TTC28: variants seen among roughly 807,000 people sequenced by gnomAD.
TTC28 encodes the protein tetratricopeptide repeat domain 28.
A neutral mutation model predicts 198.0 loss-of-function variants in TTC28; 61 were observed. The observed-to-expected ratio is 0.31, with a 90% CI of 0.25 to 0.38. The LOEUF (loss-of-function observed/expected upper bound fraction) is 0.38. Ranked by LOEUF, TTC28 falls within the 10% of genes least tolerant of loss-of-function variation. The pLI is 1.00. For missense variants in TTC28, 2,678 were observed against 3,164.0 expected (o/e 0.85, Z 3.69); for synonymous variants, 1,171 against 1,297.8 (o/e 0.90, Z 2.10).
chr22:28,388,007 G>A (rs1037257769), intron 2 of TTC28, among the ~76,000 whole-genome samples: 1 of 152,120 alleles, frequency 6.6e-6, no homozygotes, highest in African/African-American at 2.4e-5. Flanking sequence ...AATCCATCTT[G>A]AATTGATTTT....
At chr22:28,041,991 A>G (rs1939657265) in intron 12 of TTC28, among the ~76,000 whole-genome samples, 1 of 152,256 alleles carries the variant, frequency 6.6e-6, no homozygotes, top group Non-Finnish European at 1.5e-5. Flanking sequence ...GCTCATCATC[A>G]CTGGTCATTA....
intron 5 of TTC28, among the ~76,000 whole-genome samples, chr22:28,193,702 A>G (rs150729865): frequency 0.022 from 3,422 of 152,298 alleles, 78 homozygotes; most frequent in Middle Eastern, 0.095. Flanking sequence ...GTCATTACAT[A>G]ATGTTAAAGG....
chr22:28,436,408 T>C (rs2047520590), intron 2 of TTC28, among the ~76,000 whole-genome samples: 1 of 152,168 alleles, frequency 6.6e-6, no homozygotes, highest in African/African-American at 2.4e-5. Flanking sequence ...CTGTGGCCTA[T>C]AAAAATATAG....
chr22:28,229,890 G>A (rs1460496515), intron 5 of TTC28, among the ~76,000 whole-genome samples: 1 of 152,108 alleles, frequency 6.6e-6, no homozygotes, highest in African/African-American at 2.4e-5. Context: ...AAAACATTTT[G>A]AGATGCTTAA....
intron 2 of TTC28, among the ~76,000 whole-genome samples, chr22:28,451,018 T>C (rs5762632): frequency 0.075 from 11,399 of 152,222 alleles, 633 homozygotes; most frequent in Admixed American, 0.15. Flanking sequence ...GAGGATAAAG[T>C]AGCTAGAACA....
intron 6 of TTC28, among the ~76,000 whole-genome samples, chr22:28,136,335 T>G (rs1293378481): frequency 2.6e-5 from 4 of 152,090 alleles, no homozygotes; most frequent in African/African-American, 9.7e-5. Context: ...TCTGTAGAGA[T>G]GAGGTCTCAT....
At chr22:28,455,076 A>G (rs1219821542) in intron 2 of TTC28, among the ~76,000 whole-genome samples, 1 of 152,196 alleles carries the variant, frequency 6.6e-6, no homozygotes, top group Non-Finnish European at 1.5e-5. Context: ...GTGCACATAT[A>G]AGAAAACTAT....
At chr22:28,118,327 A>T (rs560755489) in intron 6 of TTC28, among the ~76,000 whole-genome samples, 2 of 152,040 alleles carry the variant, frequency 1.3e-5, no homozygotes, top group African/African-American at 4.8e-5. Flanking sequence ...TGAACCCAGG[A>T]GGCGGAGGTT....
intron 2 of TTC28, among the ~76,000 whole-genome samples, chr22:28,589,021 G>T (rs2050375071): frequency 6.6e-6 from 1 of 152,084 alleles, no homozygotes. Context: ...TCTGTATATT[G>T]TATGCTTAAG....
chr22:28,331,520 T>C (rs1021109868), intron 2 of TTC28, among the ~76,000 whole-genome samples: 3 of 152,032 alleles, frequency 2.0e-5, no homozygotes, highest in Non-Finnish European at 4.4e-5. Context: ...AAAGTCAGGG[T>C]CATCTTTTAT....
chr22:28,083,065 T>TG (rs1941424080), intron 12 of TTC28, among the ~76,000 whole-genome samples: 1 of 151,866 alleles, frequency 6.6e-6, no homozygotes, highest in Non-Finnish European at 1.5e-5. Flanking sequence ...TAATGGATGA[T>TG]GATTCATTTT....
intron 2 of TTC28, among the ~76,000 whole-genome samples, chr22:28,404,955 T>A (rs2046977395): frequency 6.6e-6 from 1 of 151,792 alleles, no homozygotes; most frequent in South Asian, 2.1e-4. Flanking sequence ...GTATTTTTCC[T>A]GTTTGCCCAT....
At chr22:28,024,202 C>T (rs1040364079) in intron 13 of TTC28, among the ~76,000 whole-genome samples, 1 of 152,130 alleles carries the variant, frequency 6.6e-6, no homozygotes, top group Non-Finnish European at 1.5e-5. Flanking sequence ...ATGGTTGTGG[C>T]TCCCTACCCG....
intron 2 of TTC28, among the ~76,000 whole-genome samples, chr22:28,610,655 G>T (rs187185486): frequency 1.3e-5 from 2 of 152,220 alleles, no homozygotes; most frequent in East Asian, 1.9e-4. Flanking sequence ...AAACCAGAAC[G>T]CCTCTTCTCC....
In TTC28 at chr22:28,274,443, A is replaced by G. The variant is rs1163399469; in HGVS notation, c.933+21755T>C. Among the ~76,000 whole-genome samples the G allele has an allele frequency of 4.6e-5, 7 of 152,304 alleles. No homozygotes were observed. The East Asian group carries it at 1.4e-3, about 29-fold the overall frequency. On this transcript the variant is annotated intron_variant, in intron 5 of 22. Transcript: ENST00000397906. ...TCCAACTACTCCTTCTTTGGGTTCA[A>G]AAGACACTAAGGGATGAGATAGTCT...
At chr22:28,335,915 C>G (rs986108627) in intron 2 of TTC28, among the ~76,000 whole-genome samples, 5 of 152,086 alleles carry the variant, frequency 3.3e-5, no homozygotes, top group African/African-American at 1.2e-4. Flanking sequence ...CTGTCTTGTG[C>G]CAGTTTTCAA....
intron 20 of TTC28, 132 bp from the exon 21 acceptor site, chr22:27,990,139 G>T (rs1937349134): frequency 8.0e-7 from 1 of 1,251,288 alleles, no homozygotes; most frequent in Non-Finnish European, 1.1e-6. Flanking sequence ...TAGCATTTGA[G>T]ATTCTTTTTC....
chr22:27,998,653 A>G lies in TTC28; in HGVS notation c.5006T>C (p.Ile1669Thr), dbSNP rs949887974. 2 of 1,550,726 alleles carry G rather than the reference A, an allele frequency of 1.3e-6. No individual in the cohort carries two copies. The highest frequency in any genetic ancestry group is 3.9e-5 in the Admixed American group (2 of 50,992). Residue 1669 changes from isoleucine (I) to threonine (T), a missense_variant, in exon 16 of 23, where the codon ATC becomes ACC. Transcript: ENST00000397906. The stretch of plus-strand genomic sequence containing the variant: ...CAGCAGGGATGAGTAGAAGGCATGG[A>G]TGAACATCTTAGAAGCAGCCACTGG... ...PVPVAASKMF[I>T]HAFYSSLLNG...
intron 5 of TTC28, among the ~76,000 whole-genome samples, chr22:28,256,701 G>T (rs927396363): frequency 3.9e-5 from 6 of 152,140 alleles, no homozygotes; most frequent in African/African-American, 1.4e-4. Context: ...AATCAAAACA[G>T]CATGGTACTG....
Sources: gnomAD v4.1 joint callset for allele counts (sites outside exome capture counted in the v4.1 genomes callset) on GRCh38, gnomAD v4.1.1 for gene constraint, MANE v1.5 for transcripts, NCBI Gene and HGNC (gene_info 2026-07-23, HGNC 2026-07-21) for gene names.